Variants in AGAP1 observed in about 807,000 individuals in gnomAD.
The protein encoded by AGAP1 is arf-GAP with GTPase, ANK repeat and PH domain-containing protein 1.
Under a neutral mutation model 105.3 loss-of-function variants are expected in AGAP1, and 29 were observed. That is an observed-to-expected ratio of 0.28 (90% CI 0.21 to 0.38). The LOEUF is 0.38. AGAP1 is among the 10% of genes least tolerant of loss of function. The pLI is 1.00. For synonymous variants in AGAP1, 509 were observed against 485.9 expected, an observed-to-expected ratio of 1.05 and a Z score of -0.63; for missense variants, 998 against 1,165.1, an observed-to-expected ratio of 0.86 and a Z score of 2.09.
In AGAP1 at chr2:235,872,385, A is replaced by G. The variant is rs879455934; in HGVS notation, c.1051-10960A>G. Among the ~76,000 whole-genome samples, 5 of 152,234 alleles carry G rather than the reference A, an allele frequency of 3.3e-5. No homozygotes were observed. Among genetic ancestry groups the G allele is most frequent in the Non-Finnish European group, 7.3e-5 (5 of 68,036 alleles). On this transcript the variant is annotated intron_variant, in intron 9 of 17. Transcript: ENST00000304032. The surrounding 1 kb of genome is among the most constrained non-coding windows in gnomAD (Gnocchi z 4.5). ...AGAATCTTAAGCAGAGATGGTTTTC[A>G]CATGTACAAAAGTGGCATCTGAAAG...
At chr2:236,060,401 G>A (rs749922826) in intron 16 of AGAP1, among the ~76,000 whole-genome samples, 16 of 151,962 alleles carry the variant, frequency 1.1e-4, no homozygotes, top group East Asian at 1.9e-4. Context: ...TATAAAGAAC[G>A]GTTACAGGTG....
intron 1 of AGAP1, among the ~76,000 whole-genome samples, chr2:235,527,405 C>G (rs1360587635): frequency 6.6e-6 from 1 of 152,190 alleles, no homozygotes; most frequent in African/African-American, 2.4e-5. Context: ...GGGTCTCACT[C>G]TGTTGCTTAG....
At position 235,865,242 on chromosome 2, in the gene AGAP1, A is replaced by G. The variant is rs1001548031; in HGVS notation, c.1051-18103A>G. Reference sequence around the variant, plus strand: ...TTTGTGGGTGATTAGCTCCTGGCCGAATCCAGTCCCGGCCGGCGCTTTGAA... The same window carrying G: ...TTTGTGGGTGATTAGCTCCTGGCCGGATCCAGTCCCGGCCGGCGCTTTGAA... On this transcript the variant is annotated intron_variant, in intron 9 of 17. Coordinates refer to ENST00000304032, the MANE Select transcript of AGAP1 (RefSeq NM_001037131.3). The surrounding 1 kb of genome is among the most constrained non-coding windows in gnomAD (Gnocchi z 6.2). Among the ~76,000 whole-genome samples the G allele has an allele frequency of 5.1e-4, 78 of 152,244 alleles. No homozygotes were observed. Among genetic ancestry groups the G allele is most frequent in the African/African-American group, 1.8e-3 (76 of 41,544 alleles).
Position 235,659,914 on chromosome 2 carries a change from A to C in AGAP1, c.164-49265A>C, listed in dbSNP as rs773262674. Among the ~76,000 whole-genome samples the C allele has an allele frequency of 4.6e-5, 7 of 152,096 alleles. No individual in the cohort carries two copies. The highest frequency in any genetic ancestry group is 1.0e-4 in the Non-Finnish European group (7 of 68,016). On this transcript the variant is annotated intron_variant, in intron 1 of 17. Transcript: ENST00000304032. The surrounding 1 kb of genome is among the most constrained non-coding windows in gnomAD (Gnocchi z 5.0). The stretch of plus-strand genomic sequence containing the variant: ...GCTCTTTGTGCACAATGGGCCTGGC[A>C]TGGGCCCAGGCTGGTGGGGTGGGCA...
Position 235,787,850 on chromosome 2 carries a change from G to A in AGAP1, c.674-9909G>A, listed in dbSNP as rs922708164. 2.0e-5 allele frequency among the ~76,000 whole-genome samples: 3 copies of A among 151,968 alleles called. No homozygotes were observed. The highest frequency in any genetic ancestry group is 2.9e-5 in the Non-Finnish European group (2 of 68,004). On this transcript the variant is annotated intron_variant, in intron 6 of 17. Coordinates refer to ENST00000304032, the MANE Select transcript of AGAP1 (RefSeq NM_001037131.3). The surrounding 1 kb of genome is among the most constrained non-coding windows in gnomAD (Gnocchi z 4.4). ...TCAAGAAGATGACCAAGTACATTGT[G>A]GGACCAAGAGCAAGATCAAGAGCGT...
chr2:235,842,433 CTGGTCACCGTT>C lies in AGAP1; in HGVS notation c.1050+35106_1050+35116del, dbSNP rs1960976864. Among the ~76,000 whole-genome samples, 1 of 152,194 alleles carries C rather than the reference CTGGTCACCGTT, an allele frequency of 6.6e-6. No homozygotes were observed. Among genetic ancestry groups the C allele is most frequent in the African/African-American group, 2.4e-5 (1 of 41,434 alleles). ...CAGATAATTGAATAGGTTGTTTTCT[CTGGTCACCGTT>C]TGGCAATGGAAGGTACTAGGTCTGC... On this transcript the variant is annotated intron_variant, in intron 9 of 17. Transcript: ENST00000304032. This position sits in a 1 kb window ranked among gnomAD's most constrained non-coding sequence, Gnocchi z 5.3.
At chr2:236,066,044 C>G (rs1171243503) in intron 16 of AGAP1, among the ~76,000 whole-genome samples, 1 of 152,198 alleles carries the variant, frequency 6.6e-6, no homozygotes, top group Non-Finnish European at 1.5e-5. Context: ...TCAGTAATGG[C>G]TTGCCCATGT....
intron 6 of AGAP1, among the ~76,000 whole-genome samples, chr2:235,786,311 C>T (rs562933933): frequency 2.6e-5 from 4 of 152,314 alleles, no homozygotes; most frequent in Middle Eastern, 3.4e-3. Context: ...TGAAATGTTA[C>T]ATATTTTCTA....
intron 11 of AGAP1, among the ~76,000 whole-genome samples, chr2:235,917,037 A>G (rs1201468746): frequency 1.3e-5 from 2 of 152,162 alleles, no homozygotes; most frequent in African/African-American, 4.8e-5. Context: ...TTGTTCTAGG[A>G]TGACAGATAC....
At position 236,010,129 on chromosome 2, in the gene AGAP1, AC is replaced by A. The variant is rs1263143996; in HGVS notation, c.1646-26431del. ...ACATGTGTTAGTAAAAAAAAAAAAA[AC>A]AAAAAACTTTTAGAGAAACAAATTA... On this transcript the variant is annotated intron_variant, in intron 13 of 17. Transcript: ENST00000304032. Among the ~76,000 whole-genome samples, 1,164 of 149,746 alleles carry A rather than the reference AC, an allele frequency of 7.8e-3. 12 individuals carry two copies. The highest frequency in any genetic ancestry group is 0.027 in the African/African-American group (1,087 of 40,098).
At chr2:235,501,217 G>A (rs776094068) in intron 1 of AGAP1, among the ~76,000 whole-genome samples, 29 of 152,292 alleles carry the variant, frequency 1.9e-4, no homozygotes, top group East Asian at 1.9e-4. Context: ...GTGGCATGTC[G>A]GATGGACATT....
intron 2 of AGAP1, among the ~76,000 whole-genome samples, chr2:235,711,049 AG>A (rs1203056642): frequency 4.6e-5 from 7 of 152,166 alleles, no homozygotes; most frequent in Non-Finnish European, 1.0e-4. Context: ...GGGGGAGCTG[AG>A]GTGTGAGCCT....
chr2:236,006,109 AT>A (rs1158164251), intron 13 of AGAP1, among the ~76,000 whole-genome samples: 1 of 152,004 alleles, frequency 6.6e-6, no homozygotes, highest in Non-Finnish European at 1.5e-5. Flanking sequence ...ACTTGTGAAT[AT>A]TTATTTTGTA....
Position 235,732,967 on chromosome 2 carries a change from CT to C in AGAP1, c.311-7995del, listed in dbSNP as rs1952037385. On this transcript the variant is annotated intron_variant, in intron 3 of 17. Coordinates refer to ENST00000304032, the MANE Select transcript of AGAP1 (RefSeq NM_001037131.3). This position sits in a 1 kb window ranked among gnomAD's most constrained non-coding sequence, Gnocchi z 4.8. Reference sequence around the variant, plus strand: ...AGTCTCACTGCCCACGCTGTGGGAGCTGAGACTGGATGCTGTTCTGGAGATC... The same window carrying C: ...AGTCTCACTGCCCACGCTGTGGGAGCGAGACTGGATGCTGTTCTGGAGATC... 6.6e-6 allele frequency among the ~76,000 whole-genome samples: 1 copy of C among 152,168 alleles called. No homozygotes were observed. Among genetic ancestry groups the C allele is most frequent in the African/African-American group, 2.4e-5 (1 of 41,454 alleles).
chr2:235,679,200 A>C (rs751639481), intron 1 of AGAP1, among the ~76,000 whole-genome samples: 1 of 152,200 alleles, frequency 6.6e-6, no homozygotes, highest in Non-Finnish European at 1.5e-5. Context: ...AGTTATCTAC[A>C]TCCCTGAGCT....
chr2:235,978,234 G>A (rs1373594056), intron 13 of AGAP1, among the ~76,000 whole-genome samples: 2 of 152,174 alleles, frequency 1.3e-5, no homozygotes, highest in Non-Finnish European at 2.9e-5. Flanking sequence ...CAGTCTGTAG[G>A]ACCATTCTAC....
intron 1 of AGAP1, among the ~76,000 whole-genome samples, chr2:235,628,564 G>C (rs139412341): frequency 6.6e-6 from 1 of 152,262 alleles, no homozygotes; most frequent in Non-Finnish European, 1.5e-5. Context: ...GGGGAAGATG[G>C]AGACAAGATT....
At chr2:235,916,373 A>G (rs1037903395) in intron 11 of AGAP1, among the ~76,000 whole-genome samples, 3 of 152,252 alleles carry the variant, frequency 2.0e-5, no homozygotes, top group South Asian at 2.1e-4. Context: ...AATTTCAGGT[A>G]TAGGTCCAGA....
chr2:235,609,452 G>T lies in AGAP1; in HGVS notation c.164-99727G>T, dbSNP rs13410736. ...GGCACGATCATTCGAGATTCCAAGAGGTAAGAACTGGGGGCTGGGCTGTGG... is the reference window on the plus strand; with the variant it reads ...GGCACGATCATTCGAGATTCCAAGATGTAAGAACTGGGGGCTGGGCTGTGG... On this transcript the variant is annotated intron_variant, in intron 1 of 17. Transcript: ENST00000304032. The surrounding 1 kb of genome is among the most constrained non-coding windows in gnomAD (Gnocchi z 5.1). Among the ~76,000 whole-genome samples, 9 of 151,888 alleles carry T rather than the reference G, an allele frequency of 5.9e-5. No individual in the cohort carries two copies. The highest frequency in any genetic ancestry group is 9.7e-5 in the African/African-American group (4 of 41,358).
Sources: gnomAD v4.1 joint callset for allele counts (sites outside exome capture counted in the v4.1 genomes callset) on GRCh38, gnomAD v4.1.1 for gene constraint, Gnocchi (gnomAD v3.1) non-coding constraint, MANE v1.5 for transcripts, NCBI Gene and HGNC (gene_info 2026-07-23, HGNC 2026-07-21) for gene names.